ITPRID1: variants seen among roughly 807,000 people sequenced by gnomAD.
ITPRID1 encodes ITPR interacting domain containing 1.
A neutral mutation model predicts 95.4 loss-of-function variants in ITPRID1; 96 were observed. That is an observed-to-expected ratio of 1.01 (90% CI 0.85 to 1.19). ITPRID1 has a LOEUF of 1.19. ITPRID1 is among the 50% of genes most tolerant of loss of function. The pLI is 0.00. For synonymous variants in ITPRID1, 510 were observed against 453.6 expected, an observed-to-expected ratio of 1.12 and a Z score of -1.58; for missense variants, 1,339 against 1,252.9, an observed-to-expected ratio of 1.07 and a Z score of -1.04.
chr7:31,613,164 C>T (rs1786956774), intron 10 of ITPRID1, among the ~76,000 whole-genome samples: 1 of 152,240 alleles, frequency 6.6e-6, no homozygotes, highest in African/African-American at 2.4e-5. Context: ...CTGTTTTTCA[C>T]AGCTACCACT....
At chr7:31,519,618 C>CTATATATATATATATATATATATA (rs1436134437) in intron 1 of ITPRID1, among the ~76,000 whole-genome samples, 2 of 31,696 alleles carry the variant, frequency 6.3e-5, no homozygotes, top group African/African-American at 1.1e-4. Context: ...CTCTCTCTCT[C>CTATATATATATATATATATATATA]TCTATATATA....
At chr7:31,548,233 G>A (rs1258186197) in intron 1 of ITPRID1, among the ~76,000 whole-genome samples, 1 of 152,068 alleles carries the variant, frequency 6.6e-6, no homozygotes, top group African/African-American at 2.4e-5. Flanking sequence ...GTGGCCTGGT[G>A]TTGGCAAGCC....
chr7:31,552,877 T>A (rs7793859), intron 2 of ITPRID1, 125 bp from the exon 3 acceptor site: 219,901 of 998,040 alleles, frequency 0.22, 25,431 homozygotes, highest in East Asian at 0.27. Context: ...CAGGTTCATG[T>A]ATGACTGTGA....
rs114656470 is a variant in ITPRID1 at position 31,539,885 on chromosome 7, G to A, written c.-97-9541G>A. ...CTCTGGCTGGTGGGCAAGTTATCTC[G>A]GGGTGGCATGTATCTGATCGGGGAG... On this transcript the variant is annotated intron_variant, in intron 1 of 14. Coordinates refer to ENST00000615280, the MANE Select transcript of ITPRID1 (RefSeq NM_001257967.3). Among the ~76,000 whole-genome samples, 368 of 152,202 alleles carry A rather than the reference G, an allele frequency of 2.4e-3. 1 individual carries two copies. Among genetic ancestry groups the A allele is most frequent in the African/African-American group, 8.0e-3 (333 of 41,546 alleles).
At chr7:31,569,471 C>G (rs1324438272) in intron 5 of ITPRID1, among the ~76,000 whole-genome samples, 1 of 152,174 alleles carries the variant, frequency 6.6e-6, no homozygotes, top group Non-Finnish European at 1.5e-5. Context: ...TTCTCCCATT[C>G]TTAAAAATCC....
chr7:31,514,632 G>T (rs1782993400), intron 1 of ITPRID1, among the ~76,000 whole-genome samples: 1 of 152,088 alleles, frequency 6.6e-6, no homozygotes, highest in Non-Finnish European at 1.5e-5. Flanking sequence ...CTAGTTTTCA[G>T]CTAGTAATAT....
intron 5 of ITPRID1, among the ~76,000 whole-genome samples, chr7:31,560,849 G>A (rs976249129): frequency 7.2e-5 from 11 of 152,190 alleles, no homozygotes; most frequent in South Asian, 2.1e-4. Flanking sequence ...GGAAAGGTCC[G>A]GGAATAGATA....
chr7:31,579,704 CAA>C (rs1159470706), intron 9 of ITPRID1, among the ~76,000 whole-genome samples: 1 of 152,066 alleles, frequency 6.6e-6, no homozygotes, highest in South Asian at 2.1e-4. Flanking sequence ...CTGCATCCCA[CAA>C]AGATATAAAA....
intron 1 of ITPRID1, among the ~76,000 whole-genome samples, chr7:31,535,915 T>C (rs1783743441): frequency 6.6e-6 from 1 of 152,096 alleles, no homozygotes; most frequent in African/African-American, 2.4e-5. Flanking sequence ...TTTAAGATTT[T>C]TCTATTTATC....
intron 10 of ITPRID1, among the ~76,000 whole-genome samples, chr7:31,630,311 G>T (rs951143991): frequency 1.3e-5 from 2 of 150,482 alleles, no homozygotes; most frequent in African/African-American, 4.9e-5. Flanking sequence ...TGAGTGCCAG[G>T]AACTATGCTA....
At chr7:31,576,711 C>G (rs374106932) in intron 8 of ITPRID1, among the ~76,000 whole-genome samples, 1 of 152,114 alleles carries the variant, frequency 6.6e-6, no homozygotes, top group African/African-American at 2.4e-5. Context: ...AAGGTAGGCA[C>G]TGGCTCATGA....
intron 1 of ITPRID1, among the ~76,000 whole-genome samples, chr7:31,522,384 G>A (rs1221018386): frequency 3.3e-5 from 5 of 152,140 alleles, no homozygotes; most frequent in South Asian, 2.1e-4. Context: ...GAGCACTCAC[G>A]GTGAGATACT....
In ITPRID1 at chr7:31,575,896, A is replaced by T. The variant is rs78257991; in HGVS notation, c.598+1154A>T. ...ACTTCAGGAATGATATTTTTTTTTT[A>T]AAAAGAGTATGTAAAGCTGAAGGTT... On this transcript the variant is annotated intron_variant, in intron 8 of 14. Transcript: ENST00000615280. 1.1e-3 allele frequency among the ~76,000 whole-genome samples: 125 copies of T among 112,496 alleles called. No individual in the cohort carries two copies. The South Asian group carries it at 0.03, about 27-fold the overall frequency. 73.8% of individuals were successfully genotyped at this position (112,496 alleles called of 152,430 possible).
intron 5 of ITPRID1, among the ~76,000 whole-genome samples, chr7:31,561,083 A>G (rs913494887): frequency 2.6e-5 from 4 of 152,200 alleles, no homozygotes; most frequent in African/African-American, 9.6e-5. Flanking sequence ...TTGACTATGT[A>G]TGAGCAGGAA....
At chr7:31,601,096 T>C (rs1786375997) in intron 10 of ITPRID1, among the ~76,000 whole-genome samples, 1 of 152,154 alleles carries the variant, frequency 6.6e-6, no homozygotes, top group African/African-American at 2.4e-5. Flanking sequence ...AAACAGACCC[T>C]AGTCTCATAG....
intron 10 of ITPRID1, among the ~76,000 whole-genome samples, chr7:31,598,398 C>CTTTTTTTTTT (rs869161999): frequency 1.2e-4 from 13 of 106,836 alleles, no homozygotes; most frequent in South Asian, 3.1e-4. Context: ...TTTTTTTTTT[C>CTTTTTTTTTT]TTTTTTTTTT....
intron 1 of ITPRID1, among the ~76,000 whole-genome samples, chr7:31,544,138 G>A (rs753948810): frequency 3.9e-5 from 6 of 151,966 alleles, no homozygotes; most frequent in Non-Finnish European, 7.4e-5. Context: ...ATGGTAAGAG[G>A]GAGCATTCCT....
At chr7:31,606,082 A>G (rs546189814) in intron 10 of ITPRID1, among the ~76,000 whole-genome samples, 1 of 152,116 alleles carries the variant, frequency 6.6e-6, no homozygotes, top group African/African-American at 2.4e-5. Context: ...AAATTTCATT[A>G]AAATGTATAG....
Position 31,651,966 on chromosome 7 carries a change from A to ACGTGAGGC in ITPRID1, c.2741_2748dup (p.Leu917ValfsTer4). ...AGGAGGCCGAGCAACTGCAAACGTT[A>ACGTGAGGC]CGTGAGGCCCTGAGGCAGCAGGTGG... On this transcript the variant is annotated frameshift_variant, in exon 14 of 15. Transcript: ENST00000615280. LOFTEE classifies it high-confidence loss of function. 1 of 1,602,706 alleles carries ACGTGAGGC rather than the reference A, an allele frequency of 6.2e-7. No homozygotes were observed. Among genetic ancestry groups the ACGTGAGGC allele is most frequent in the Non-Finnish European group, 8.5e-7 (1 of 1,174,758 alleles).
Sources: gnomAD v4.1 joint callset for allele counts (sites outside exome capture counted in the v4.1 genomes callset) on GRCh38, gnomAD v4.1.1 for gene constraint, MANE v1.5 for transcripts, NCBI Gene and HGNC (gene_info 2026-07-23, HGNC 2026-07-21) for gene names.